Variants in PRUNE1 observed in about 807,000 individuals in gnomAD.
PRUNE1 encodes prune exopolyphosphatase 1, also known as exopolyphosphatase PRUNE1.
A neutral mutation model predicts 42.5 loss-of-function variants in PRUNE1; 25 were observed. That is an observed-to-expected ratio of 0.59 (90% CI 0.43 to 0.82). The LOEUF (loss-of-function observed/expected upper bound fraction) is 0.82. PRUNE1 is among the 40% of genes least tolerant of loss of function. The probability of loss-of-function intolerance (pLI) is 0.00; values close to 1 mark genes in which losing one functional copy is unlikely to be tolerated. For synonymous variants in PRUNE1, 203 were observed against 217.1 expected (o/e 0.93, Z 0.57); for missense variants, 443 against 539.3 (o/e 0.82, Z 1.77).
chr1:151,009,639 C>G (rs990885709), intron 1 of PRUNE1, among the ~76,000 whole-genome samples: 1 of 152,164 alleles, frequency 6.6e-6, no homozygotes, highest in Non-Finnish European at 1.5e-5. Context: ...CTACAAATTC[C>G]CCTGAGGGAC....
At chr1:151,017,931 A>T in intron 2 of PRUNE1, 27 bp downstream of exon 2, 1 of 1,465,864 alleles carries the variant, frequency 6.8e-7, no homozygotes. Context: ...AGTACCTAGG[A>T]TCTGAGTCCC....
At chr1:151,011,563 GTCTC>G (rs1673770021) in intron 1 of PRUNE1, among the ~76,000 whole-genome samples, 1 of 152,046 alleles carries the variant, frequency 6.6e-6, no homozygotes, top group Non-Finnish European at 1.5e-5. Context: ...GAGAGGGTTT[GTCTC>G]TCTCTGGCTT....
intron 1 of PRUNE1, 158 bp downstream of exon 1, chr1:151,008,829 A>G: frequency 1.1e-6 from 1 of 918,274 alleles, no homozygotes; most frequent in Non-Finnish European, 1.7e-6. Context: ...ATGAGGAGCG[A>G]GGAGCGAGAA....
intron 1 of PRUNE1, among the ~76,000 whole-genome samples, chr1:151,013,045 G>C (rs1282870621): frequency 6.6e-6 from 1 of 152,166 alleles, no homozygotes; most frequent in African/African-American, 2.4e-5. Flanking sequence ...TCATAGGTGT[G>C]AGCCACCGCG....
chr1:151,027,344 G>A lies in PRUNE1; in HGVS notation c.774+17G>A. 2 of 1,564,836 alleles carry A rather than the reference G, an allele frequency of 1.3e-6. No homozygotes were observed. The highest frequency in any genetic ancestry group is 1.8e-6 in the Non-Finnish European group (2 of 1,136,192). On this transcript the variant is annotated intron_variant, in intron 6 of 7. Transcript: ENST00000271620. ...GATTTGGAGGTAAGAGCAAGTTGTG[G>A]CTGTGGGTGGGGAGAGAAAGCCTTT...
rs374583445 is a variant in PRUNE1 at position 151,018,679 on chromosome 1, A to G, written c.335+10A>G. 1.2e-6 allele frequency: 2 copies of G among 1,610,282 alleles called. No homozygotes were observed. The highest frequency in any genetic ancestry group is 2.7e-5 in the African/African-American group (2 of 74,840). ...ATCATATCTTATCCAAGTAAGCACA[A>G]GGAAATTAAATTGCTACCTATCATG... On this transcript the variant is annotated intron_variant, in intron 3 of 7. Transcript: ENST00000271620.
chr1:151,011,087 C>T (rs777630724), intron 1 of PRUNE1, among the ~76,000 whole-genome samples: 1 of 152,038 alleles, frequency 6.6e-6, no homozygotes, highest in African/African-American at 2.4e-5. Flanking sequence ...CAGAGGACAC[C>T]GTTAAGTTTC....
In PRUNE1 at chr1:151,008,576, C is replaced by CCTCGACCAGGGGAACCTCTA. The variant is rs1439016627; in HGVS notation, c.-45_-44insAACCTCTACTCGACCAGGGG. The stretch of plus-strand genomic sequence containing the variant: ...GGCTGCATTCGTCGGGGAAACCTCT[C>CCTCGACCAGGGGAACCTCTA]CTCGACCAGGGGCACCTCTACTCGA... On this transcript the variant is annotated 5_prime_UTR_variant, in exon 1 of 8. Coordinates refer to ENST00000271620, the MANE Select transcript of PRUNE1 (RefSeq NM_021222.3). 1 of 1,603,504 alleles carries CCTCGACCAGGGGAACCTCTA rather than the reference C, an allele frequency of 6.2e-7. No homozygotes were observed. The highest frequency in any genetic ancestry group is 8.5e-7 in the Non-Finnish European group (1 of 1,170,272).
In PRUNE1 at chr1:151,022,509, C is replaced by T. The variant is rs147192993; in HGVS notation, c.336-2102C>T. On this transcript the variant is annotated intron_variant, in intron 3 of 7. Transcript: ENST00000271620. Reference sequence around the variant, plus strand: ...TCTCGGCTCACTGCAAGCTCCGCCTCCCGGGTTCACGCCATTCTCCTGCCT... The same window carrying T: ...TCTCGGCTCACTGCAAGCTCCGCCTTCCGGGTTCACGCCATTCTCCTGCCT... 9.2e-3 allele frequency among the ~76,000 whole-genome samples: 1,397 copies of T among 151,856 alleles called. 8 individuals are homozygous for T. Among genetic ancestry groups the T allele is most frequent in the South Asian group, 0.021 (103 of 4,812 alleles).
At chr1:151,011,370 C>G (rs994908402) in intron 1 of PRUNE1, among the ~76,000 whole-genome samples, 1 of 147,730 alleles carries the variant, frequency 6.8e-6, no homozygotes, top group African/African-American at 2.7e-5. Flanking sequence ...GGTGACTCAT[C>G]TTTCACTTCT....
At chr1:151,032,014 C>G (rs1436006336) in intron 7 of PRUNE1, among the ~76,000 whole-genome samples, 1 of 152,002 alleles carries the variant, frequency 6.6e-6, no homozygotes, top group Non-Finnish European at 1.5e-5. Flanking sequence ...GGAGGCTGAG[C>G]TGGGCAGATC....
chr1:151,018,343 G>A, intron 2 of PRUNE1, 124 bp from the exon 3 acceptor site: 1 of 845,864 alleles, frequency 1.2e-6, no homozygotes, highest in Non-Finnish European at 2.0e-6. Context: ...TATAGACTGG[G>A]TACTTATGGC....
chr1:151,008,856 G>T, intron 1 of PRUNE1, 185 bp downstream of exon 1: 1 of 767,702 alleles, frequency 1.3e-6, no homozygotes, highest in East Asian at 2.7e-5. Flanking sequence ...TTAGGAGCGT[G>T]AGAATGCTGC....
chr1:151,014,815 T>A (rs1320682562), intron 1 of PRUNE1, among the ~76,000 whole-genome samples: 1 of 152,204 alleles, frequency 6.6e-6, no homozygotes, highest in Non-Finnish European at 1.5e-5. Context: ...TTGTCACGAC[T>A]TAGGGTGCTA....
At chr1:151,029,982 G>A (rs1675139366) in intron 7 of PRUNE1, among the ~76,000 whole-genome samples, 2 of 152,000 alleles carry the variant, frequency 1.3e-5, no homozygotes, top group Admixed American at 1.3e-4. Flanking sequence ...GTGGGCTTAA[G>A]GCTGGGTGCG....
Position 151,024,716 on chromosome 1 carries a change from C to A in PRUNE1, c.441C>A (p.Ser147=). The A allele has an allele frequency of 6.2e-7, 1 of 1,614,132 alleles. No homozygotes were observed. The highest frequency in any genetic ancestry group is 1.1e-5 in the South Asian group (1 of 91,080). Reference sequence around the variant, plus strand: ...ATGTTTCAGTTGAGCTGGTGGGGTCCTGTGCTACCCTGGTGACCGAGAGAA... The same window carrying A: ...ATGTTTCAGTTGAGCTGGTGGGGTCATGTGCTACCCTGGTGACCGAGAGAA... The part of the protein sequence containing the change: ...PCHVSVELVG[S]CATLVTERIL... The change falls in exon 4 of 8, where the codon TCC becomes TCA. Residue 147 remains serine (S), a synonymous_variant. Coordinates refer to ENST00000271620, the MANE Select transcript of PRUNE1 (RefSeq NM_021222.3).
intron 3 of PRUNE1, among the ~76,000 whole-genome samples, chr1:151,023,700 A>G (rs1674628405): frequency 6.6e-6 from 1 of 150,744 alleles, no homozygotes; most frequent in Non-Finnish European, 1.5e-5. Context: ...CCTGGGCGAC[A>G]CAGCGAGATT....
At chr1:151,011,026 A>G (rs1212265327) in intron 1 of PRUNE1, among the ~76,000 whole-genome samples, 2 of 152,226 alleles carry the variant, frequency 1.3e-5, no homozygotes, top group East Asian at 3.8e-4. Flanking sequence ...AAGGGATATG[A>G]AATGAAAAAG....
chr1:151,025,714 A>C (rs587667463), intron 5 of PRUNE1, 41 bp downstream of exon 5: 2 of 1,568,562 alleles, frequency 1.3e-6, no homozygotes, highest in African/African-American at 2.8e-5. Context: ...CCAGATAAGA[A>C]AACAGAAAGG....
Sources: gnomAD v4.1 joint callset for allele counts (sites outside exome capture counted in the v4.1 genomes callset) on GRCh38, gnomAD v4.1.1 for gene constraint, MANE v1.5 for transcripts, NCBI Gene and HGNC (gene_info 2026-07-23, HGNC 2026-07-21) for gene names.